The following THNSL1 variants were observed in gnomAD, a reference collection of about 807,000 sequenced individuals.
THNSL1 encodes the protein threonine synthase like 1, also known as threonine synthase-like 1.
Under a neutral mutation model 50.4 loss-of-function variants are expected in THNSL1, and 48 were observed. The ratio of observed to expected loss-of-function variants is 0.95; its 90% confidence interval spans 0.76 to 1.21. The LOEUF is 1.21. Ranked by LOEUF, THNSL1 falls within the 50% of genes most tolerant of loss-of-function variation. The pLI is 0.00. For synonymous variants in THNSL1, 309 were observed against 306.1 expected (o/e 1.01, Z -0.10); for missense variants, 896 against 871.7 (o/e 1.03, Z -0.35).
At chr10:24,956,187 T>C in the THNSL1 span, among the ~76,000 whole-genome samples, 1 of 152,114 alleles carries the variant, frequency 6.6e-6, no homozygotes, top group Non-Finnish European at 1.5e-5. Flanking sequence ...CAGGTTTGTT[T>C]GGGAAAATTG....
upstream of THNSL1, among the ~76,000 whole-genome samples, chr10:25,012,471 T>G (rs1417124903): frequency 6.6e-6 from 1 of 152,176 alleles, no homozygotes; most frequent in African/African-American, 2.4e-5. Context: ...CTGTGCCAGG[T>G]CACAGGGACA....
chr10:25,025,730 A>T lies in THNSL1; in HGVS notation c.*275A>T. 1 of 367,418 alleles carries T rather than the reference A, an allele frequency of 2.7e-6. No individual in the cohort carries two copies. 22.8% of individuals were successfully genotyped at this position (367,418 alleles called of 1,614,324 possible). Reference sequence around the variant, plus strand: ...GAGGGGTGTATCAATTTCCACTCCCACACCCTCACTGTTATGTGGACCAAA... The same window carrying T: ...GAGGGGTGTATCAATTTCCACTCCCTCACCCTCACTGTTATGTGGACCAAA... On this transcript the variant is annotated 3_prime_UTR_variant, in exon 3 of 3. Coordinates refer to ENST00000376356, the MANE Select transcript of THNSL1 (RefSeq NM_024838.5).
At chr10:24,970,400 T>A in the THNSL1 span, among the ~76,000 whole-genome samples, 1 of 152,188 alleles carries the variant, frequency 6.6e-6, no homozygotes, top group Non-Finnish European at 1.5e-5. Flanking sequence ...GTAGACAGAA[T>A]CCTTCCTTTA....
chr10:25,024,068 G>A lies in THNSL1; in HGVS notation c.845G>A (p.Ser282Asn), dbSNP rs781366642. 3 of 1,614,080 alleles carry A rather than the reference G, an allele frequency of 1.9e-6. No homozygotes were observed. Among genetic ancestry groups the A allele is most frequent in the Non-Finnish European group, 2.5e-6 (3 of 1,180,022 alleles). ...FPKLSCGEWK[S>N]LVGATYVERA... ...AAATTAAGCTGCGGGGAGTGGAAAA[G>A]CCTAGTAGGAGCAACCTACGTAGAA... The change falls in exon 3 of 3, where the codon AGC (serine) becomes AAC (asparagine). Residue 282 changes from serine (S) to asparagine (N), a missense_variant. Physicochemically the swap from Ser to Asn is conservative, Grantham distance 46 (BLOSUM62 1). Coordinates refer to ENST00000376356, the MANE Select transcript of THNSL1 (RefSeq NM_024838.5).
upstream of THNSL1, chr10:25,016,519 G>A (rs41279886): frequency 0.029 from 4,407 of 152,862 alleles, 145 homozygotes; most frequent in African/African-American, 0.079. Context: ...GGAGACGAGG[G>A]AGGGGAGGAG....
chr10:25,010,065 A>G, the THNSL1 span, among the ~76,000 whole-genome samples: 1 of 152,192 alleles, frequency 6.6e-6, no homozygotes, highest in Admixed American at 6.5e-5. Context: ...AGAGGTTGGA[A>G]CAGTTTGGAG....
the THNSL1 span, among the ~76,000 whole-genome samples, chr10:24,952,956 C>T: frequency 4.2e-4 from 64 of 152,082 alleles, no homozygotes; most frequent in African/African-American, 1.5e-3. This position sits in a 1 kb window ranked among gnomAD's most constrained non-coding sequence, Gnocchi z 5.1. Context: ...AGGAAGCCCG[C>T]GGCAGGAAGA....
At chr10:25,022,142 GTAT>G (rs1322079974) in intron 2 of THNSL1, among the ~76,000 whole-genome samples, 1 of 152,114 alleles carries the variant, frequency 6.6e-6, no homozygotes, top group Admixed American at 6.5e-5. Flanking sequence ...CATTGCACAG[GTAT>G]TATACTGCAT....
the THNSL1 span, among the ~76,000 whole-genome samples, chr10:24,962,115 AAAAAAT>A: frequency 6.6e-6 from 1 of 152,234 alleles, no homozygotes. Context: ...TAGCAGTTTT[AAAAAAT>A]AAACCTACAA....
At chr10:24,972,522 A>AAAAAAAAAAAAT in the THNSL1 span, among the ~76,000 whole-genome samples, 3 of 150,070 alleles carry the variant, frequency 2.0e-5, no homozygotes, top group African/African-American at 7.5e-5. Flanking sequence ...AAAAAAAAAT[A>AAAAAAAAAAAAT]AATAATAATA....
At chr10:24,995,955 T>C in the THNSL1 span, 1 of 1,102,102 alleles carries the variant, frequency 9.1e-7, no homozygotes, top group Admixed American at 2.6e-5. Flanking sequence ...ATTTCACCAC[T>C]TGTATATTGA....
At chr10:24,996,974 C>G in the THNSL1 span, among the ~76,000 whole-genome samples, 1 of 152,138 alleles carries the variant, frequency 6.6e-6, no homozygotes, top group Non-Finnish European at 1.5e-5. Context: ...GAAATTTGAA[C>G]ACAGACATAC....
chr10:24,998,187 C>T, the THNSL1 span, among the ~76,000 whole-genome samples: 1,133 of 152,220 alleles, frequency 7.4e-3, 18 homozygotes, highest in African/African-American at 0.025. Flanking sequence ...AAATGTACAT[C>T]GCTAGCCGGG....
the THNSL1 span, among the ~76,000 whole-genome samples, chr10:24,987,231 C>T: frequency 1.3e-5 from 2 of 152,214 alleles, no homozygotes; most frequent in Non-Finnish European, 2.9e-5. Context: ...CTTCTTGTGC[C>T]TGCTGCCTTT....
intron 2 of THNSL1, 83 bp from the exon 3 acceptor site, chr10:25,023,093 T>A: frequency 2.4e-6 from 2 of 831,340 alleles, no homozygotes; most frequent in Non-Finnish European, 3.7e-6. Context: ...TTATATTCAG[T>A]CCTATTGGGA....
At chr10:25,014,663 A>G (rs1377950047), upstream of THNSL1, among the ~76,000 whole-genome samples, 1 of 152,218 alleles carries the variant, frequency 6.6e-6, no homozygotes, top group Non-Finnish European at 1.5e-5. Context: ...ATCTCATGTA[A>G]TATGCAGGAA....
At chr10:24,998,929 G>A in the THNSL1 span, among the ~76,000 whole-genome samples, 2 of 152,172 alleles carry the variant, frequency 1.3e-5, no homozygotes, top group African/African-American at 2.4e-5. Flanking sequence ...TTGCAGTCCA[G>A]TTAGTCTTAA....
upstream of THNSL1, among the ~76,000 whole-genome samples, chr10:25,014,749 T>TTC (rs1470455808): frequency 6.6e-6 from 1 of 152,212 alleles, no homozygotes; most frequent in Non-Finnish European, 1.5e-5. Context: ...TTACTTTACA[T>TTC]TCCTCTTTCC....
At chr10:24,990,296 C>G in the THNSL1 span, among the ~76,000 whole-genome samples, 1 of 152,188 alleles carries the variant, frequency 6.6e-6, no homozygotes, top group African/African-American at 2.4e-5. Context: ...ACTTTTTGCT[C>G]TCTCCAAAGA....
Sources: gnomAD v4.1 joint callset for allele counts (sites outside exome capture counted in the v4.1 genomes callset) on GRCh38, gnomAD v4.1.1 for gene constraint, Gnocchi (gnomAD v3.1) non-coding constraint, MANE v1.5 for transcripts, NCBI Gene and HGNC (gene_info 2026-07-23, HGNC 2026-07-21) for gene names.